The following HUNK variants were observed in gnomAD, a reference collection of about 807,000 sequenced individuals.
HUNK encodes the protein hormonally up-regulated Neu-associated kinase, also known as hormonally up-regulated neu tumor-associated kinase.
A neutral mutation model predicts 61.0 loss-of-function variants in HUNK; 21 were observed. That is an observed-to-expected ratio of 0.34 (90% CI 0.24 to 0.50). HUNK has a LOEUF of 0.50. Ranked by LOEUF, HUNK falls within the 20% of genes least tolerant of loss-of-function variation. The probability of loss-of-function intolerance (pLI) is 0.98; values close to 1 mark genes in which losing one functional copy is unlikely to be tolerated. For missense variants in HUNK, 772 were observed against 945.7 expected, an observed-to-expected ratio of 0.82 and a Z score of 2.41; for synonymous variants, 371 against 386.1, an observed-to-expected ratio of 0.96 and a Z score of 0.46.
chr21:31,949,829 A>G (rs2052836845), intron 4 of HUNK, among the ~76,000 whole-genome samples: 2 of 152,152 alleles, frequency 1.3e-5, no homozygotes, highest in Non-Finnish European at 2.9e-5. Context: ...CAGTGTGTGC[A>G]GAGATCACAT....
intron 1 of HUNK, among the ~76,000 whole-genome samples, chr21:31,900,354 C>T (rs577293736): frequency 6.6e-6 from 1 of 152,002 alleles, no homozygotes; most frequent in Non-Finnish European, 1.5e-5. Context: ...ACCTCTCTTA[C>T]TCCATGCAAC....
intron 1 of HUNK, among the ~76,000 whole-genome samples, chr21:31,897,539 G>A (rs1232661384): frequency 1.3e-5 from 2 of 152,074 alleles, no homozygotes; most frequent in Non-Finnish European, 2.9e-5. Context: ...TTGGATTAGG[G>A]CCCACCATAA....
rs954393865 is a variant in HUNK, at chr21:31,936,865, C to T, written c.555-3300C>T. ...TTTTATTGTTCTTGGCAGTTGCTGT[C>T]TTTTACCTTGCCTCTTTAGGATGTT... On this transcript the variant is annotated intron_variant, in intron 2 of 10. Coordinates refer to ENST00000270112, the MANE Select transcript of HUNK (RefSeq NM_014586.2). 1.2e-4 allele frequency among the ~76,000 whole-genome samples: 19 copies of T among 152,066 alleles called. 1 individual carries two copies. The highest frequency in any genetic ancestry group is 3.4e-4 in the African/African-American group (14 of 41,418).
intron 1 of HUNK, among the ~76,000 whole-genome samples, chr21:31,875,224 C>A (rs1362420102): frequency 6.6e-6 from 1 of 152,204 alleles, no homozygotes; most frequent in African/African-American, 2.4e-5. Context: ...CCCCTGGTCA[C>A]AGGGCCAACC....
intron 2 of HUNK, among the ~76,000 whole-genome samples, chr21:31,931,759 C>T (rs991021133): frequency 6.6e-6 from 1 of 152,140 alleles, no homozygotes; most frequent in Non-Finnish European, 1.5e-5. Context: ...GTTCTTTGGA[C>T]TCAACCCTGA....
rs2053251551 is a variant in HUNK, at chr21:32,002,297, C to T, written c.*3113C>T. 6.6e-6 allele frequency: 1 copy of T among 152,212 alleles called. No individual in the cohort carries two copies. Among genetic ancestry groups the T allele is most frequent in the African/African-American group, 2.4e-5 (1 of 41,416 alleles). 9.4% of individuals were successfully genotyped at this position (152,212 alleles called of 1,614,324 possible). A position where few individuals can be genotyped will look rare whatever the true frequency, so the allele number is the denominator to read the frequency against. On this transcript the variant is annotated 3_prime_UTR_variant, in exon 11 of 11. Coordinates refer to ENST00000270112, the MANE Select transcript of HUNK (RefSeq NM_014586.2). ...AGAAATGGGGTTTCGCCATGTTGCT[C>T]AGGCTGATCTCAAACTCCTGGGCTC...
intron 2 of HUNK, among the ~76,000 whole-genome samples, chr21:31,935,809 C>T (rs1376150409): frequency 1.3e-5 from 2 of 152,102 alleles, no homozygotes; most frequent in Non-Finnish European, 1.5e-5. Flanking sequence ...TATCTTATCT[C>T]TTTTTTCTTT....
chr21:31,981,649 T>G (rs2053098209), intron 7 of HUNK, among the ~76,000 whole-genome samples: 1 of 152,182 alleles, frequency 6.6e-6, no homozygotes, highest in South Asian at 2.1e-4. Flanking sequence ...CTTGATTTCA[T>G]TTTTGAATAG....
intron 4 of HUNK, among the ~76,000 whole-genome samples, chr21:31,957,009 A>G (rs2052893994): frequency 6.6e-6 from 1 of 152,128 alleles, no homozygotes; most frequent in Non-Finnish European, 1.5e-5. Context: ...CCAGCCAAAG[A>G]CACATGAGCT....
chr21:31,886,191 G>C (rs538768233), intron 1 of HUNK, among the ~76,000 whole-genome samples: 15 of 152,292 alleles, frequency 9.8e-5, no homozygotes, highest in Admixed American at 9.1e-4. Context: ...GGAAGCTGAG[G>C]CAGGCAGATC....
chr21:31,885,641 G>A (rs1337045739), intron 1 of HUNK, among the ~76,000 whole-genome samples: 1 of 152,188 alleles, frequency 6.6e-6, no homozygotes, highest in African/African-American at 2.4e-5. Flanking sequence ...CCATGCCCCT[G>A]TCCTCGGCTT....
intron 5 of HUNK, among the ~76,000 whole-genome samples, chr21:31,966,836 A>T (rs1601402238): frequency 6.6e-6 from 1 of 152,188 alleles, no homozygotes; most frequent in African/African-American, 2.4e-5. Flanking sequence ...ATTATTTGGT[A>T]TGTTGGAAAT....
chr21:31,940,916 T>TGCAAGTAA (rs925679178), intron 3 of HUNK, among the ~76,000 whole-genome samples: 2 of 152,224 alleles, frequency 1.3e-5, no homozygotes, highest in African/African-American at 4.8e-5. Context: ...CCACCTCAGA[T>TGCAAGTAA]GCAAGTAATT....
chr21:31,927,382 G>A (rs1225190172), intron 2 of HUNK, among the ~76,000 whole-genome samples: 5 of 151,620 alleles, frequency 3.3e-5, no homozygotes, highest in Non-Finnish European at 7.4e-5. Flanking sequence ...CAGTGCTCAC[G>A]CCTGCAATTC....
intron 2 of HUNK, among the ~76,000 whole-genome samples, chr21:31,927,131 T>C (rs34270681): frequency 0.59 from 90,231 of 151,764 alleles, 30,321 homozygotes; most frequent in African/African-American, 0.89. Context: ...ACTTCCGCCT[T>C]CCGGGTTCAA....
intron 1 of HUNK, among the ~76,000 whole-genome samples, chr21:31,923,967 T>G (rs1445427208): frequency 6.6e-6 from 1 of 151,974 alleles, no homozygotes; most frequent in East Asian, 1.9e-4. Flanking sequence ...GGGTGCTGCA[T>G]CTTTGGGCAG....
At chr21:31,945,694 T>A (rs979428580) in intron 3 of HUNK, among the ~76,000 whole-genome samples, 1 of 152,150 alleles carries the variant, frequency 6.6e-6, no homozygotes, top group African/African-American at 2.4e-5. Flanking sequence ...CTTCCTGCCT[T>A]CATCCTAGAA....
At chr21:31,963,808 T>C (rs2052945195) in intron 5 of HUNK, among the ~76,000 whole-genome samples, 2 of 152,216 alleles carry the variant, frequency 1.3e-5, no homozygotes, top group African/African-American at 4.8e-5. Context: ...GTCACTCATA[T>C]ATGTAATGAT....
intron 6 of HUNK, chr21:31,974,284 G>A (rs1194817534): frequency 1.8e-5 from 5 of 271,636 alleles, no homozygotes; most frequent in African/African-American, 8.8e-5. Context: ...GGGTTAAGGG[G>A]TAAAATGTCA....
Sources: allele counts gnomAD v4.1 joint callset (sites outside exome capture counted in the v4.1 genomes callset), GRCh38; gene constraint gnomAD v4.1.1; transcripts MANE v1.5; gene names NCBI Gene and HGNC (gene_info 2026-07-23, HGNC 2026-07-21).